The following SYNE1 variants were observed in gnomAD, a reference collection of about 807,000 sequenced individuals.
The protein encoded by SYNE1 is spectrin repeat containing nuclear envelope protein 1.
SYNE1 carries 616 observed loss-of-function variants against 1,111.0 expected under a neutral mutation model. The ratio of observed to expected loss-of-function variants is 0.55; its 90% CI spans 0.52 to 0.59. The LOEUF is 0.59. SYNE1 is among the 20% of genes least tolerant of loss of function. The pLI is 0.00. For missense variants in SYNE1, 10,006 were observed against 10,417.0 expected, an observed-to-expected ratio of 0.96 and a Z score of 1.72; for synonymous variants, 3,855 against 3,825.8, an observed-to-expected ratio of 1.01 and a Z score of -0.28.
chr6:152,148,346 C>A lies in SYNE1; in HGVS notation c.24675G>T (p.Arg8225Ser), dbSNP rs776389367. The change falls in exon 137 of 146, where the codon AGG becomes AGT. Residue 8225 changes from arginine (R) to serine (S), a missense_variant. This residue lies in a region of SYNE1 where 761 missense variants were observed against 795.5 expected (regional missense o/e 0.96). Transcript: ENST00000367255. The surrounding 1 kb of genome is among the most constrained non-coding windows in gnomAD (Gnocchi z 4.1). ...CTGCAGAGTCTTCCAGCTCCAGCTC[C>A]CTGTCTGAGAGGTCGTGCTCATCGT... ...LPDDEHDLSD[R>S]ELELEDSAAL... 10 of 1,614,140 alleles carry A rather than the reference C, an allele frequency of 6.2e-6. No individual in the cohort carries two copies. In the South Asian group the frequency reaches 1.1e-4, roughly 18 times the overall value.
At chr6:152,156,183 A>G in intron 131 of SYNE1, 86 bp from the exon 132 acceptor site, 2 of 1,361,108 alleles carry the variant, frequency 1.5e-6, no homozygotes, top group Non-Finnish European at 2.1e-6. Flanking sequence ...GTAAATGGCT[A>G]GGCTACACCT....
intron 127 of SYNE1, among the ~76,000 whole-genome samples, chr6:152,198,029 A>AGAAG: frequency 6.8e-6 from 1 of 147,290 alleles, no homozygotes; most frequent in African/African-American, 2.5e-5. Flanking sequence ...AGGGGAGGGG[A>AGAAG]GAAGGAAGGA....
chr6:152,502,587 C>T, intron 10 of SYNE1, 46 bp downstream of exon 10: 2 of 1,426,612 alleles, frequency 1.4e-6, no homozygotes, highest in Non-Finnish European at 2.0e-6. Context: ...AGCTGAGTCA[C>T]TGTCATTGCA....
chr6:152,615,141 A>T (rs973077874), intron 3 of SYNE1, among the ~76,000 whole-genome samples: 1 of 152,316 alleles, frequency 6.6e-6, no homozygotes, highest in Non-Finnish European at 1.5e-5. Flanking sequence ...ATTTTTTTCC[A>T]TCAAAATTAT....
At chr6:152,160,627 A>G (rs1001274624) in intron 131 of SYNE1, among the ~76,000 whole-genome samples, 2 of 152,176 alleles carry the variant, frequency 1.3e-5, no homozygotes, top group African/African-American at 4.8e-5. Context: ...ACTTTCATGT[A>G]TGCAGCATAC....
chr6:152,494,237 C>T (rs555322304), intron 11 of SYNE1, among the ~76,000 whole-genome samples: 85 of 152,306 alleles, frequency 5.6e-4, no homozygotes, highest in South Asian at 1.4e-3. Flanking sequence ...ACACTTGATG[C>T]GTATACTTTC....
chr6:152,233,605 G>T (rs968890541), intron 112 of SYNE1, among the ~76,000 whole-genome samples, 176 bp downstream of exon 112: 1 of 152,142 alleles, frequency 6.6e-6, no homozygotes, highest in South Asian at 2.1e-4. Context: ...GATTACAGGT[G>T]CGAGCCACCG....
chr6:152,612,802 A>T (rs2099635365), intron 3 of SYNE1, among the ~76,000 whole-genome samples: 1 of 152,192 alleles, frequency 6.6e-6, no homozygotes, highest in Non-Finnish European at 1.5e-5. Context: ...ATCCACCATG[A>T]TCAAGCTGGC....
chr6:152,534,990 C>T (rs1406789830), intron 4 of SYNE1, among the ~76,000 whole-genome samples: 1 of 152,212 alleles, frequency 6.6e-6, no homozygotes, highest in Non-Finnish European at 1.5e-5. Flanking sequence ...TTGAATTGTG[C>T]CTACTCACCA....
chr6:152,578,894 T>C (rs186229754), intron 3 of SYNE1, among the ~76,000 whole-genome samples: 152 of 152,334 alleles, frequency 1.0e-3, no homozygotes, highest in African/African-American at 3.5e-3. Flanking sequence ...AGGTTATTTA[T>C]TTAAAAATCC....
Position 152,353,622 on chromosome 6 carries a change from A to T in SYNE1, c.11049T>A (p.Thr3683=). The T allele has an allele frequency of 1.2e-6, 2 of 1,614,194 alleles. No homozygotes were observed. The highest frequency in any genetic ancestry group is 1.7e-6 in the Non-Finnish European group (2 of 1,180,046). The change falls in exon 68 of 146, where the codon ACT becomes ACA. Residue 3683 remains threonine, a synonymous_variant. Transcript: ENST00000367255. ...GGAGAAGCAGGGCCTGGTATCTGGA[A>T]GTCAGCTGGGTGGCCTGGCAACCCA... ...SRMGCQATQL[T]SRYQALLLQV... is the part of the protein sequence containing the mutation.
chr6:152,628,417 G>A lies in SYNE1; in HGVS notation c.-86C>T. ...TACACCACTCTAGAAAACATGCTTGGACTTTTCTAGATCTATTCTGTCATA... is the reference window on the plus strand; with the variant it reads ...TACACCACTCTAGAAAACATGCTTGAACTTTTCTAGATCTATTCTGTCATA... On this transcript the variant is annotated 5_prime_UTR_variant, in exon 3 of 146. Transcript: ENST00000367255. The A allele has an allele frequency of 2.3e-6, 3 of 1,289,646 alleles. No individual in the cohort carries two copies. The highest frequency in any genetic ancestry group is 1.8e-4 in the Middle Eastern group (1 of 5,464). 79.9% of individuals were successfully genotyped at this position (1,289,646 alleles called of 1,614,324 possible).
chr6:152,510,150 T>G (rs1230334838), intron 8 of SYNE1, 43 bp downstream of exon 8: 11 of 1,594,890 alleles, frequency 6.9e-6, no homozygotes, highest in Non-Finnish European at 9.5e-6. Flanking sequence ...CATTCATAAC[T>G]CAATTTAACG....
At chr6:152,221,758 A>G (rs2080234485) in intron 117 of SYNE1, among the ~76,000 whole-genome samples, 199 bp from the exon 118 acceptor site, 4 of 152,214 alleles carry the variant, frequency 2.6e-5, no homozygotes, top group Admixed American at 2.6e-4. Flanking sequence ...TTTGGCTATG[A>G]GAAGAGGTTC....
At chr6:152,543,150 A>G (rs1244123322) in intron 3 of SYNE1, among the ~76,000 whole-genome samples, 2 of 152,172 alleles carry the variant, frequency 1.3e-5, no homozygotes, top group African/African-American at 2.4e-5. Context: ...CTCTGAGTTT[A>G]TAGTTAGACT....
intron 55 of SYNE1, 22 bp from the exon 56 acceptor site, chr6:152,381,384 G>A (rs778229417): frequency 1.2e-6 from 2 of 1,609,260 alleles, no homozygotes; most frequent in Non-Finnish European, 1.7e-6. Flanking sequence ...TATCACCATG[G>A]TAACTGAAGA....
chr6:152,535,944 A>G (rs930566372), intron 4 of SYNE1, among the ~76,000 whole-genome samples: 3 of 152,142 alleles, frequency 2.0e-5, no homozygotes, highest in Non-Finnish European at 4.4e-5. Flanking sequence ...TGCAAGGCCT[A>G]TGCTGTTAGG....
intron 3 of SYNE1, among the ~76,000 whole-genome samples, chr6:152,566,985 C>CTG (rs59526151): frequency 0.027 from 4,016 of 146,600 alleles, 87 homozygotes; most frequent in African/African-American, 0.054. Flanking sequence ...TCTTCACATA[C>CTG]TGTGTGTGTG....
At chr6:152,553,160 G>T (rs1267460889) in intron 3 of SYNE1, among the ~76,000 whole-genome samples, 1 of 152,004 alleles carries the variant, frequency 6.6e-6, no homozygotes, top group Non-Finnish European at 1.5e-5. Flanking sequence ...AAAGAGACTG[G>T]AGCAAACGAG....
Sources: allele counts gnomAD v4.1 joint callset (sites outside exome capture counted in the v4.1 genomes callset), GRCh38; gene constraint gnomAD v4.1.1; regional missense constraint gnomAD v4.1.1; non-coding constraint Gnocchi (gnomAD v3.1); transcripts MANE v1.5; gene names NCBI Gene and HGNC (gene_info 2026-07-23, HGNC 2026-07-21).